SLC24A2: variants seen among roughly 807,000 people sequenced by gnomAD.
SLC24A2 encodes the protein solute carrier family 24 member 2.
SLC24A2 carries 36 observed loss-of-function variants against 62.0 expected under a neutral mutation model. The ratio of observed to expected loss-of-function variants is 0.58; its 90% confidence interval spans 0.44 to 0.77. The LOEUF (loss-of-function observed/expected upper bound fraction) is 0.77, where lower values mean the gene tolerates loss of function less well. SLC24A2 is among the 30% of genes least tolerant of loss of function. SLC24A2 has a pLI of 0.00. For synonymous variants in SLC24A2, 358 were observed against 294.0 expected (o/e 1.22, Z -2.23); for missense variants, 846 against 817.9 (o/e 1.03, Z -0.42).
intron 4 of SLC24A2, among the ~76,000 whole-genome samples, chr9:19,598,619 A>C (rs1001656405): frequency 8.5e-5 from 13 of 152,096 alleles, no homozygotes; most frequent in Admixed American, 7.9e-4. Flanking sequence ...ATAGAAAGAA[A>C]ATTTTTTTCA....
At chr9:19,954,887 AT>A in the SLC24A2 span, among the ~76,000 whole-genome samples, 1 of 152,174 alleles carries the variant, frequency 6.6e-6, no homozygotes, top group Non-Finnish European at 1.5e-5. Context: ...AACAATTACC[AT>A]TTAAATCAGC....
intron 4 of SLC24A2, among the ~76,000 whole-genome samples, chr9:19,613,179 T>A (rs1817667381): frequency 6.6e-6 from 1 of 152,250 alleles, no homozygotes; most frequent in Admixed American, 6.5e-5. Flanking sequence ...TATCTCTTTG[T>A]TCAAGGTGGT....
chr9:20,170,859 T>C, the SLC24A2 span, among the ~76,000 whole-genome samples: 2 of 151,876 alleles, frequency 1.3e-5, no homozygotes, highest in Non-Finnish European at 2.9e-5. Context: ...TACAAGAAGC[T>C]CAAAGAACAC....
chr9:19,912,032 C>G, the SLC24A2 span, among the ~76,000 whole-genome samples: 1 of 152,084 alleles, frequency 6.6e-6, no homozygotes, highest in Non-Finnish European at 1.5e-5. Context: ...ATATTTTAAG[C>G]TTTCTTTTAA....
At chr9:19,814,588 G>A in the SLC24A2 span, among the ~76,000 whole-genome samples, 2 of 152,270 alleles carry the variant, frequency 1.3e-5, no homozygotes, top group African/African-American at 4.8e-5. Context: ...TTTGGCAGTT[G>A]TATTTCTAAA....
chr9:19,995,061 G>C, the SLC24A2 span, among the ~76,000 whole-genome samples: 1 of 144,682 alleles, frequency 6.9e-6, no homozygotes, highest in African/African-American at 2.5e-5. Context: ...AACCCCTGTG[G>C]TAGTTAATAT....
the SLC24A2 span, among the ~76,000 whole-genome samples, chr9:20,051,665 T>C: frequency 7.2e-6 from 1 of 139,596 alleles, no homozygotes; most frequent in Non-Finnish European, 1.5e-5. Context: ...CTCTTTTTTT[T>C]TTTTTTTTTT....
chr9:19,848,479 T>A, the SLC24A2 span, among the ~76,000 whole-genome samples: 1 of 152,192 alleles, frequency 6.6e-6, no homozygotes, highest in East Asian at 1.9e-4. Flanking sequence ...CATATAGCAG[T>A]GTACGTAACA....
the SLC24A2 span, among the ~76,000 whole-genome samples, chr9:20,098,520 T>C: frequency 7.0e-4 from 106 of 152,334 alleles, 3 homozygotes; most frequent in South Asian, 0.01. Flanking sequence ...TGTTGTCCTT[T>C]TGACCAAAGA....
intron 8 of SLC24A2, among the ~76,000 whole-genome samples, chr9:19,533,600 A>C (rs1352036002): frequency 6.6e-6 from 1 of 152,234 alleles, no homozygotes; most frequent in Admixed American, 6.5e-5. Context: ...CTTTGAGATA[A>C]GAGAGTATGT....
At chr9:19,904,678 G>C in the SLC24A2 span, among the ~76,000 whole-genome samples, 1 of 152,162 alleles carries the variant, frequency 6.6e-6, no homozygotes, top group East Asian at 1.9e-4. Flanking sequence ...AATGAATGCT[G>C]CATACATTGT....
the SLC24A2 span, among the ~76,000 whole-genome samples, chr9:19,916,412 TA>T: frequency 6.6e-6 from 1 of 152,032 alleles, no homozygotes; most frequent in African/African-American, 2.4e-5. Context: ...AAAATTTTTT[TA>T]AAGTACTATG....
intron 9 of SLC24A2, among the ~76,000 whole-genome samples, chr9:19,522,701 A>G (rs1248498719): frequency 6.6e-6 from 1 of 152,098 alleles, no homozygotes; most frequent in Non-Finnish European, 1.5e-5. Flanking sequence ...CGATCTCCCT[A>G]GTTGACAGAA....
At chr9:19,708,213 T>C (rs2118576571) in intron 2 of SLC24A2, among the ~76,000 whole-genome samples, 1 of 152,258 alleles carries the variant, frequency 6.6e-6, no homozygotes, top group East Asian at 1.9e-4. Context: ...GTGAAGGACC[T>C]CTTCAAGCAG....
intron 2 of SLC24A2, among the ~76,000 whole-genome samples, chr9:19,710,603 G>T (rs1477845965): frequency 6.6e-6 from 1 of 152,180 alleles, no homozygotes; most frequent in African/African-American, 2.4e-5. Flanking sequence ...TATGAGTCTG[G>T]GGAGGAAGGT....
At chr9:19,990,749 C>T in the SLC24A2 span, among the ~76,000 whole-genome samples, 24 of 150,278 alleles carry the variant, frequency 1.6e-4, 1 homozygote, top group Middle Eastern at 3.5e-3. Context: ...TATGCTGGCC[C>T]TCTCCATCCA....
At chr9:19,948,801 C>T in the SLC24A2 span, among the ~76,000 whole-genome samples, 4 of 141,366 alleles carry the variant, frequency 2.8e-5, no homozygotes, top group East Asian at 2.2e-4. Flanking sequence ...GCGGAGATCG[C>T]GCCACAGCAC....
At chr9:20,295,339 G>A in the SLC24A2 span, among the ~76,000 whole-genome samples, 3 of 152,084 alleles carry the variant, frequency 2.0e-5, no homozygotes, top group African/African-American at 7.2e-5. Context: ...CATCATCTTA[G>A]GCAAACTATT....
chr9:19,681,502 C>T (rs1819721865), intron 2 of SLC24A2, among the ~76,000 whole-genome samples: 1 of 152,096 alleles, frequency 6.6e-6, no homozygotes, highest in Non-Finnish European at 1.5e-5. Flanking sequence ...GGGCAGGGAA[C>T]ATTGTCTCTT....
Sources: gnomAD v4.1 joint callset for allele counts (sites outside exome capture counted in the v4.1 genomes callset) on GRCh38, gnomAD v4.1.1 for gene constraint, MANE v1.5 for transcripts, NCBI Gene and HGNC (gene_info 2026-07-23, HGNC 2026-07-21) for gene names.